Variants in NCOA2 observed in about 807,000 individuals in gnomAD.
The protein encoded by NCOA2 is nuclear receptor coactivator 2, also known as class E basic helix-loop-helix protein 75.
A neutral mutation model predicts 145.1 loss-of-function variants in NCOA2; 21 were observed. The ratio of observed to expected loss-of-function variants is 0.14; its 90% CI spans 0.10 to 0.21. NCOA2 has a LOEUF of 0.21. NCOA2 is among the 10% of genes least tolerant of loss of function. The probability of loss-of-function intolerance (pLI) is 1.00; values close to 1 mark genes in which losing one functional copy is unlikely to be tolerated. For synonymous variants in NCOA2, 619 were observed against 637.5 expected, an observed-to-expected ratio of 0.97 and a Z score of 0.44; for missense variants, 1,472 against 1,837.6, an observed-to-expected ratio of 0.80 and a Z score of 3.64.
chr8:70,158,263 C>A (rs1427811887), intron 10 of NCOA2, among the ~76,000 whole-genome samples: 3 of 152,110 alleles, frequency 2.0e-5, no homozygotes, highest in Admixed American at 6.5e-5. Context: ...GCCAGAGCAA[C>A]GTTATATATT....
chr8:70,154,892 A>G (rs1812119827), intron 11 of NCOA2, among the ~76,000 whole-genome samples: 1 of 152,204 alleles, frequency 6.6e-6, no homozygotes, highest in Non-Finnish European at 1.5e-5. Flanking sequence ...TACAGTTAGT[A>G]ACAATGTATT....
chr8:70,331,964 C>T (rs1807146811), intron 1 of NCOA2, among the ~76,000 whole-genome samples: 1 of 152,066 alleles, frequency 6.6e-6, no homozygotes, highest in African/African-American at 2.4e-5. Flanking sequence ...TCAAGGTCAA[C>T]AGGATTTTCT....
chr8:70,336,314 T>C (rs188425771), intron 1 of NCOA2, among the ~76,000 whole-genome samples: 305 of 152,316 alleles, frequency 2.0e-3, no homozygotes, highest in African/African-American at 7.1e-3. Context: ...AAAATCATTA[T>C]GTGACACATG....
chr8:70,255,674 C>T (rs1823578924), intron 2 of NCOA2, among the ~76,000 whole-genome samples: 1 of 152,142 alleles, frequency 6.6e-6, no homozygotes, highest in South Asian at 2.1e-4. Context: ...GCAGACATTG[C>T]CAATTAAATC....
intron 2 of NCOA2, among the ~76,000 whole-genome samples, chr8:70,233,198 C>A (rs1460618358): frequency 6.6e-6 from 1 of 151,826 alleles, no homozygotes; most frequent in East Asian, 1.9e-4. Context: ...TACACTCCAG[C>A]CTGGGTGACA....
rs1377987171 is a variant in NCOA2, at chr8:70,148,478, G to C, written c.2400C>G (p.Gly800=). The change falls in exon 12 of 23, where the codon GGC becomes GGG. Residue 800 remains glycine (G), a synonymous_variant. Coordinates refer to ENST00000452400, the MANE Select transcript of NCOA2 (RefSeq NM_006540.4). ...TCTCCTCCAAGTTGTCCAGCTCACTGCCAGGCTGTAGTTGACAAACAGAAG... is the reference window on the plus strand; with the variant it reads ...TCTCCTCCAAGTTGTCCAGCTCACTCCCAGGCTGTAGTTGACAAACAGAAG... ...EMSFEPGDQP[G]SELDNLEEIL... is the part of the protein sequence containing the mutation. 6.2e-7 allele frequency: 1 copy of C among 1,612,758 alleles called. No homozygotes were observed. Among genetic ancestry groups the C allele is most frequent in the Non-Finnish European group, 8.5e-7 (1 of 1,179,780 alleles).
intron 2 of NCOA2, among the ~76,000 whole-genome samples, chr8:70,251,893 G>T (rs1326966206): frequency 6.6e-6 from 1 of 152,160 alleles, no homozygotes; most frequent in African/African-American, 2.4e-5. Flanking sequence ...TTCCAGTACT[G>T]TCATTCCCTA....
Position 70,156,127 on chromosome 8 carries a change from G to C in NCOA2, c.2238C>G (p.Arg746=). ...SPKKKENALL[R]YLLDKDDTKD... Reference sequence around the variant, plus strand: ...TAGTATCATCTTTATCTAGCAAATAGCGAAGTAGTGCATTCTCTTTCTTCT... The same window carrying C: ...TAGTATCATCTTTATCTAGCAAATACCGAAGTAGTGCATTCTCTTTCTTCT... Residue 746 remains arginine, a synonymous_variant, in exon 11 of 23, where the codon CGC becomes CGG. Coordinates refer to ENST00000452400, the MANE Select transcript of NCOA2 (RefSeq NM_006540.4). The C allele has an allele frequency of 1.2e-6, 2 of 1,613,954 alleles. No homozygotes were observed. The highest frequency in any genetic ancestry group is 2.7e-5 in the African/African-American group (2 of 75,036).
chr8:70,329,765 A>G (rs1806915905), intron 1 of NCOA2, among the ~76,000 whole-genome samples: 1 of 152,330 alleles, frequency 6.6e-6, no homozygotes, highest in Admixed American at 6.5e-5. Flanking sequence ...ATATACTACA[A>G]CATTCAGAAA....
chr8:70,436,508 G>A, the NCOA2 span, among the ~76,000 whole-genome samples: 1 of 152,148 alleles, frequency 6.6e-6, no homozygotes, highest in African/African-American at 2.4e-5. Flanking sequence ...TCCCATATCA[G>A]TAAGCCATGT....
the NCOA2 span, among the ~76,000 whole-genome samples, chr8:70,451,041 G>A: frequency 1.3e-5 from 2 of 149,530 alleles, no homozygotes; most frequent in African/African-American, 4.9e-5. Flanking sequence ...CATGGTGAAA[G>A]CCTGTCTCTA....
intron 1 of NCOA2, among the ~76,000 whole-genome samples, chr8:70,400,905 TAA>T (rs1814172096): frequency 6.6e-6 from 1 of 152,216 alleles, no homozygotes; most frequent in African/African-American, 2.4e-5. Context: ...ATTTTCCACA[TAA>T]GATACCTAAA....
At chr8:70,126,465 A>G in intron 19 of NCOA2, 1 of 254,596 alleles carries the variant, frequency 3.9e-6, no homozygotes, top group Non-Finnish European at 7.6e-6. Context: ...GCTTTCAAAT[A>G]TATAAACATA....
intron 22 of NCOA2, 65 bp from the exon 23 acceptor site, chr8:70,113,708 C>G (rs1194467954): frequency 1.4e-6 from 2 of 1,461,282 alleles, no homozygotes; most frequent in African/African-American, 1.4e-5. Flanking sequence ...ATCATAAAGC[C>G]CACCACAAAA....
chr8:70,390,110 A>G (rs532300366), intron 1 of NCOA2, among the ~76,000 whole-genome samples: 3 of 152,194 alleles, frequency 2.0e-5, no homozygotes, highest in Non-Finnish European at 4.4e-5. Flanking sequence ...TCTTTTTTCT[A>G]TCTTCTAAGT....
intron 9 of NCOA2, 74 bp downstream of exon 9, chr8:70,162,637 G>T: frequency 6.8e-7 from 1 of 1,463,170 alleles, no homozygotes; most frequent in South Asian, 1.3e-5. Flanking sequence ...TTCCCAAGGT[G>T]AACTCCAGGA....
the NCOA2 span, among the ~76,000 whole-genome samples, chr8:70,445,663 A>T: frequency 6.6e-6 from 1 of 152,172 alleles, no homozygotes; most frequent in East Asian, 1.9e-4. Flanking sequence ...TACTGTAATC[A>T]TGTTTTGTTG....
At chr8:70,123,621 C>T (rs1211729411) in intron 21 of NCOA2, among the ~76,000 whole-genome samples, 1 of 151,576 alleles carries the variant, frequency 6.6e-6, no homozygotes, top group Non-Finnish European at 1.5e-5. Context: ...TGGTGAATTC[C>T]TCAAGAGAAA....
chr8:70,186,446 G>T (rs2133125889), intron 4 of NCOA2, among the ~76,000 whole-genome samples: 1 of 152,260 alleles, frequency 6.6e-6, no homozygotes, highest in Non-Finnish European at 1.5e-5. Flanking sequence ...AGGCCCCTCA[G>T]ATCAGGGCTG....
Sources: gnomAD v4.1 joint callset for allele counts (sites outside exome capture counted in the v4.1 genomes callset) on GRCh38, gnomAD v4.1.1 for gene constraint, MANE v1.5 for transcripts, NCBI Gene and HGNC (gene_info 2026-07-23, HGNC 2026-07-21) for gene names.